THSD1: variants seen among roughly 807,000 people sequenced by gnomAD.
THSD1 encodes the protein thrombospondin type 1 domain containing 1, also known as thrombospondin type-1 domain-containing protein 1.
Under a neutral mutation model 46.3 loss-of-function variants are expected in THSD1, and 34 were observed. That is an observed-to-expected ratio of 0.74 (90% CI 0.56 to 0.98). The LOEUF is 0.98. Among genes scored for constraint, THSD1 ranks in the 50% least tolerant of loss-of-function variants. THSD1 has a pLI of 0.00. For synonymous variants in THSD1, 407 were observed against 416.5 expected (o/e 0.98, Z 0.28); for missense variants, 1,023 against 1,058.3 (o/e 0.97, Z 0.46).
chr13:52,398,417 A>T (rs1957828222), intron 2 of THSD1: 1 of 655,516 alleles, frequency 1.5e-6, no homozygotes, highest in African/African-American at 2.0e-5. Context: ...CTACAGGCAC[A>T]TGCCACCACA....
rs776507798 is a variant in THSD1, at chr13:52,378,753, T to C, written c.1217A>G (p.Gln406Arg). 14 of 1,609,826 alleles carry C rather than the reference T, an allele frequency of 8.7e-6. No individual in the cohort carries two copies. Among genetic ancestry groups the C allele is most frequent in the Admixed American group, 1.7e-5 (1 of 59,840 alleles). ...GATGTTGTTGGACTTCACTGGACCC[T>C]GGGGCTGAAGAGGAGATGGGCTGGA... ...QPSSPSPLQPQGPVKSNNIVT... is the reference protein window; with the variant it reads ...QPSSPSPLQPRGPVKSNNIVT... The change falls in exon 5 of 5, where the codon CAG (glutamine) becomes CGG (arginine). Residue 406 changes from glutamine (Q) to arginine (R), a missense_variant. Physicochemically the swap from Gln to Arg is conservative, Grantham distance 43 (BLOSUM62 1). Transcript: ENST00000258613.
chr13:52,397,571 T>C lies in THSD1; in HGVS notation c.682A>G (p.Ile228Val). 6.2e-7 allele frequency: 1 copy of C among 1,614,158 alleles called. No homozygotes were observed. Among genetic ancestry groups the C allele is most frequent in the Non-Finnish European group, 8.5e-7 (1 of 1,180,034 alleles). ...VLKLLGRDSV[I>V]TSTGPIDLAQ... is the part of the protein sequence containing the mutation. ...AGGTCAATGGGTCCTGTGGAGGTAA[T>C]GACTGAGTCTCGCCCAAGCAGCTTC... Residue 228 changes from isoleucine (I) to valine (V), a missense_variant, in exon 3 of 5, where the codon ATT becomes GTT. By Grantham distance (29) the Ile-to-Val change is conservative. This residue lies in a region of THSD1 where 429 missense variants were observed against 518.3 expected (regional missense o/e 0.83). Transcript: ENST00000258613.
At chr13:52,404,095 G>C (rs1228066592) in intron 1 of THSD1, among the ~76,000 whole-genome samples, 1 of 151,674 alleles carries the variant, frequency 6.6e-6, no homozygotes, top group Non-Finnish European at 1.5e-5. Context: ...TTATAGGTGT[G>C]CACCACCACG....
At position 52,377,799 on chromosome 13, in the gene THSD1, G is replaced by C. The variant is rs200635008; in HGVS notation, c.2171C>G (p.Pro724Arg). Reference protein sequence around the residue: ...EASGTRGPLNPLPKSYTLGQP... With the variant: ...EASGTRGPLNRLPKSYTLGQP... ...CCCCAAAGTGTAGGATTTAGGGAGA[G>C]GGTTTAATGGACCACGGGTTCCACT... Residue 724 changes from proline (P) to arginine (R), a missense_variant, in exon 5 of 5, where the codon CCT (proline) becomes CGT (arginine). Around this residue, in one of 3 missense-constraint regions of THSD1, gnomAD observed 578 missense variants for 497.4 expected, o/e 1.16. Transcript: ENST00000258613. 1.2e-6 allele frequency: 2 copies of C among 1,614,210 alleles called. No homozygotes were observed. The highest frequency in any genetic ancestry group is 1.7e-5 in the Admixed American group (1 of 60,024).
intron 3 of THSD1, among the ~76,000 whole-genome samples, chr13:52,388,995 C>G (rs1230690989): frequency 6.6e-6 from 1 of 150,686 alleles, no homozygotes; most frequent in African/African-American, 2.4e-5. Context: ...AGATCTTGCT[C>G]TGTCGCCCAG....
At chr13:52,380,333 C>CA (rs1957682341) in intron 4 of THSD1, among the ~76,000 whole-genome samples, 1 of 151,578 alleles carries the variant, frequency 6.6e-6, no homozygotes, top group Non-Finnish European at 1.5e-5. Flanking sequence ...CCCGTCCTCC[C>CA]ACTGCCCACT....
intron 3 of THSD1, among the ~76,000 whole-genome samples, chr13:52,396,204 G>A (rs1353405291): frequency 1.4e-5 from 2 of 147,024 alleles, no homozygotes; most frequent in Non-Finnish European, 3.0e-5. Flanking sequence ...TGTGTAGTCA[G>A]GGGACACTGG....
At position 52,396,196 on chromosome 13, in the gene THSD1, T is replaced by C. The variant is rs1230737791; in HGVS notation, c.1021+1036A>G. On this transcript the variant is annotated intron_variant, in intron 3 of 4. Coordinates refer to ENST00000258613, the MANE Select transcript of THSD1 (RefSeq NM_018676.4). ...ACTGGGGGTTACAAAGTCAGGCTTG[T>C]GTAGTCAGGGGACACTGGGCTTACC... Among the ~76,000 whole-genome samples the C allele has an allele frequency of 2.6e-5, 4 of 151,926 alleles. No homozygotes were observed. In the East Asian group the frequency reaches 7.7e-4, roughly 29 times the overall value.
rs1351741526 is a variant in THSD1 at position 52,378,582 on chromosome 13, G to T, written c.1388C>A (p.Ser463Ter). 6.2e-7 allele frequency: 1 copy of T among 1,613,990 alleles called. No individual in the cohort carries two copies. Among genetic ancestry groups the T allele is most frequent in the African/African-American group, 1.3e-5 (1 of 74,912 alleles). The change falls in exon 5 of 5, where the codon TCG becomes TAG. Residue 463 changes from serine (S) to a stop codon, truncating the protein, a stop_gained. Transcript: ENST00000258613. LOFTEE classifies it high-confidence loss of function. ...SIHSPSFRKN[S>*]DEENICELSE... is the part of the protein sequence containing the mutation. Reference sequence around the variant, plus strand: ...CAGCTCGCAGATATTCTCCTCGTCCGAGTTCTTCCGGAAGCTGGGGGAGTG... The same window carrying T: ...CAGCTCGCAGATATTCTCCTCGTCCTAGTTCTTCCGGAAGCTGGGGGAGTG...
intron 1 of THSD1, 155 bp from the exon 2 acceptor site, chr13:52,402,836 T>A (rs568120074): frequency 1.0e-6 from 1 of 980,714 alleles, no homozygotes; most frequent in Admixed American, 6.1e-5. Context: ...CAATGACTTA[T>A]AATTATACAA....
At chr13:52,398,509 T>C (rs1239152251) in intron 2 of THSD1, 1 of 973,366 alleles carries the variant, frequency 1.0e-6, no homozygotes, top group Non-Finnish European at 1.2e-6. Context: ...CTCAAACTGC[T>C]AAGATTATAG....
chr13:52,404,196 A>G (rs761239571), intron 1 of THSD1, among the ~76,000 whole-genome samples: 5 of 150,106 alleles, frequency 3.3e-5, no homozygotes, highest in Admixed American at 1.3e-4. Flanking sequence ...TCTGCCCACC[A>G]TGGCCTCCCA....
intron 3 of THSD1, among the ~76,000 whole-genome samples, chr13:52,394,286 T>A (rs763291541): frequency 6.6e-6 from 1 of 152,052 alleles, no homozygotes; most frequent in African/African-American, 2.4e-5. Context: ...GTTCAGTCAG[T>A]TTTTTTTCCC....
chr13:52,400,096 TA>T (rs57788028), intron 2 of THSD1: 2,354 of 137,136 alleles, frequency 0.017, 20 homozygotes, highest in South Asian at 0.032. Context: ...TTGACTGGCT[TA>T]AAAAAAAAAA....
At chr13:52,391,049 G>T (rs1189013694) in intron 3 of THSD1, among the ~76,000 whole-genome samples, 2 of 152,012 alleles carry the variant, frequency 1.3e-5, no homozygotes, top group Admixed American at 6.6e-5. Context: ...TGCCCTACAC[G>T]TTTTCTTTAT....
chr13:52,395,160 C>T (rs532093538), intron 3 of THSD1, among the ~76,000 whole-genome samples: 1 of 152,268 alleles, frequency 6.6e-6, no homozygotes, highest in African/African-American at 2.4e-5. Flanking sequence ...AGGAGAATAG[C>T]CTCAGCTGAC....
At chr13:52,405,728 AAGAAACAGTAGCTCAAG>A (rs1957901256) in intron 1 of THSD1, among the ~76,000 whole-genome samples, 2 of 152,184 alleles carry the variant, frequency 1.3e-5, no homozygotes, top group Admixed American at 1.3e-4. Flanking sequence ...TCTTTTTGGA[AAGAAACAGTAGCTCAAG>A]ACGCGATTTT....
At chr13:52,385,975 C>A in intron 4 of THSD1, 53 bp downstream of exon 4, 3 of 1,561,924 alleles carry the variant, frequency 1.9e-6, no homozygotes, top group South Asian at 1.2e-5. Context: ...GTTCAATATT[C>A]CTTCTGATGA....
At chr13:52,400,434 CT>C (rs1337741464) in intron 2 of THSD1, among the ~76,000 whole-genome samples, 1 of 152,034 alleles carries the variant, frequency 6.6e-6, no homozygotes, top group African/African-American at 2.4e-5. Flanking sequence ...CCTGAATCTA[CT>C]AAAAATACAA....
Sources: gnomAD v4.1 joint callset for allele counts (sites outside exome capture counted in the v4.1 genomes callset) on GRCh38, gnomAD v4.1.1 for gene constraint, gnomAD v4.1.1 regional missense constraint, MANE v1.5 for transcripts, NCBI Gene and HGNC (gene_info 2026-07-23, HGNC 2026-07-21) for gene names.